The following DGKH variants were observed in gnomAD, a reference collection of about 807,000 sequenced individuals.
DGKH encodes diacylglycerol kinase eta.
DGKH carries 90 observed loss-of-function variants against 159.3 expected under a neutral mutation model. That is an observed-to-expected ratio of 0.57 (90% CI 0.48 to 0.67). The LOEUF (loss-of-function observed/expected upper bound fraction) is 0.67, where lower values mean the gene tolerates loss of function less well. Ranked by LOEUF, DGKH falls within the 30% of genes least tolerant of loss-of-function variation. DGKH has a pLI of 0.00. For synonymous variants in DGKH, 536 were observed against 553.8 expected (o/e 0.97, Z 0.45); for missense variants, 1,181 against 1,506.1 (o/e 0.78, Z 3.57).
At chr13:42,053,578 A>G (rs9594666) in intron 1 of DGKH, among the ~76,000 whole-genome samples, 10 of 83,674 alleles carry the variant, frequency 1.2e-4, no homozygotes, top group East Asian at 2.2e-4. Context: ...CTATATATGT[A>G]TATATATAAC....
intron 24 of DGKH, among the ~76,000 whole-genome samples, chr13:42,212,417 C>T (rs1226485826): frequency 6.6e-6 from 1 of 152,150 alleles, no homozygotes; most frequent in Non-Finnish European, 1.5e-5. Flanking sequence ...GGCTTCTTAT[C>T]CATAGGGTTG....
chr13:42,071,871 G>A, intron 1 of DGKH, among the ~76,000 whole-genome samples: 1 of 152,218 alleles, frequency 6.6e-6, no homozygotes, highest in South Asian at 2.1e-4. Context: ...CGACCCGTGA[G>A]AGAGGGCCAT....
intron 1 of DGKH, among the ~76,000 whole-genome samples, chr13:42,062,396 A>T (rs1009432442): frequency 2.6e-5 from 4 of 152,198 alleles, no homozygotes; most frequent in African/African-American, 7.2e-5. Context: ...GAGATTAGGA[A>T]GAAGGTTAGA....
At chr13:42,075,791 A>C (rs1467797348) in intron 1 of DGKH, among the ~76,000 whole-genome samples, 1 of 152,184 alleles carries the variant, frequency 6.6e-6, no homozygotes, top group Non-Finnish European at 1.5e-5. Flanking sequence ...TCCTATTTTC[A>C]GACTGCTATC....
At chr13:42,183,015 A>G (rs556758120) in intron 13 of DGKH, among the ~76,000 whole-genome samples, 5 of 152,234 alleles carry the variant, frequency 3.3e-5, no homozygotes, top group African/African-American at 1.2e-4. Flanking sequence ...TTGACCAGGC[A>G]TGGTGGTCCA....
intron 1 of DGKH, among the ~76,000 whole-genome samples, chr13:42,127,017 C>T (rs1465879423): frequency 6.6e-6 from 1 of 152,186 alleles, no homozygotes; most frequent in Non-Finnish European, 1.5e-5. Context: ...CCCCATTTTA[C>T]AGATGAATAA....
chr13:42,209,334 C>T lies in DGKH; in HGVS notation c.2719C>T (p.Arg907Cys), dbSNP rs1031520173. The part of the protein sequence containing the change: ...KLQHHRIAQC[R>C]TVKITIFGDE... ...AAAATGATTTGTTTTATTTCAGTGC[C>T]GTACAGTGAAAATCACTATATTTGG... The change falls in exon 23 of 30, where the codon CGT becomes TGT. Residue 907 changes from arginine (R) to cysteine (C), a missense_variant. Coordinates refer to ENST00000337343, the MANE Select transcript of DGKH (RefSeq NM_178009.5). 1 of 1,609,486 alleles carries T rather than the reference C, an allele frequency of 6.2e-7. No homozygotes were observed. Among genetic ancestry groups the T allele is most frequent in the Non-Finnish European group, 8.5e-7 (1 of 1,178,716 alleles).
At chr13:42,110,874 C>G (rs1255834377) in intron 1 of DGKH, among the ~76,000 whole-genome samples, 7 of 152,158 alleles carry the variant, frequency 4.6e-5, no homozygotes, top group Non-Finnish European at 1.0e-4. Context: ...AAGCCATATA[C>G]TTTTACCTAA....
intron 3 of DGKH, among the ~76,000 whole-genome samples, chr13:42,134,100 T>C (rs1050091628): frequency 6.6e-6 from 1 of 152,104 alleles, no homozygotes; most frequent in African/African-American, 2.4e-5. Context: ...ACATAAACGG[T>C]AAATGGAAAA....
intron 5 of DGKH, 22 bp from the exon 6 acceptor site, chr13:42,159,244 C>CTTTTTTTTTTTCTTTTTTTTTTT (rs1956116805): frequency 5.0e-6 from 1 of 200,416 alleles, no homozygotes; most frequent in Non-Finnish European, 8.6e-6. Flanking sequence ...AGCAGTTGCT[C>CTTTTTTTTTTTCTTTTTTTTTTT]TTTTTTTTTT....
At chr13:42,150,789 AC>A (rs1044785404) in intron 3 of DGKH, among the ~76,000 whole-genome samples, 19 of 152,160 alleles carry the variant, frequency 1.2e-4, no homozygotes, top group Admixed American at 1.1e-3. Context: ...TGAATAATGG[AC>A]CCCCAAAGAT....
Position 42,160,137 on chromosome 13 carries a change from G to A in DGKH, c.855+1G>A, listed in dbSNP as rs1956145347. ...GAAATGCCTTTGGTGTAAGACAATG[G>A]TGAGGGTTTTGGAATCAGTTCATCC... is the stretch of plus-strand genomic sequence containing the variant. On this transcript the variant is annotated splice_donor_variant, in intron 7 of 29. Coordinates refer to ENST00000337343, the MANE Select transcript of DGKH (RefSeq NM_178009.5). LOFTEE classifies it high-confidence loss of function. 6.2e-7 allele frequency: 1 copy of A among 1,614,234 alleles called. No individual in the cohort carries two copies. The highest frequency in any genetic ancestry group is 8.5e-7 in the Non-Finnish European group (1 of 1,180,044).
At chr13:42,219,568 A>G (rs1020346174) in intron 27 of DGKH, 118 bp from the exon 28 acceptor site, 6 of 1,208,162 alleles carry the variant, frequency 5.0e-6, no homozygotes, top group Non-Finnish European at 6.9e-6. Flanking sequence ...TGAAGAAGTT[A>G]TCACTGTTCT....
intron 3 of DGKH, among the ~76,000 whole-genome samples, chr13:42,136,750 C>T (rs1955409780): frequency 6.6e-6 from 1 of 152,138 alleles, no homozygotes; most frequent in African/African-American, 2.4e-5. Context: ...CCCACATGGG[C>T]TTACTCGGTT....
At chr13:42,049,974 C>T (rs1180371131) in intron 1 of DGKH, among the ~76,000 whole-genome samples, 1 of 152,064 alleles carries the variant, frequency 6.6e-6, no homozygotes, top group African/African-American at 2.4e-5. Flanking sequence ...CTTGGGGTAC[C>T]GTTTTTAAAA....
chr13:42,222,971 G>A (rs762457502), intron 29 of DGKH, among the ~76,000 whole-genome samples: 2 of 152,038 alleles, frequency 1.3e-5, no homozygotes, highest in Middle Eastern at 3.2e-3. Flanking sequence ...CTTAGAAAAC[G>A]TTCTTTTTGC....
intron 11 of DGKH, among the ~76,000 whole-genome samples, chr13:42,173,057 C>T (rs185545294): frequency 1.3e-5 from 2 of 152,044 alleles, no homozygotes; most frequent in African/African-American, 2.4e-5. Flanking sequence ...CTGCAACCTC[C>T]ACCTCCCAGG....
chr13:42,195,128 G>C (rs1314756989), intron 17 of DGKH, 112 bp downstream of exon 17: 2 of 1,337,932 alleles, frequency 1.5e-6, no homozygotes, highest in East Asian at 5.0e-5. Flanking sequence ...TTCTTTAGTA[G>C]AATGTTCTTG....
At chr13:42,245,473 G>A (rs762519645), downstream of DGKH, among the ~76,000 whole-genome samples, 6 of 152,158 alleles carry the variant, frequency 3.9e-5, no homozygotes, top group Non-Finnish European at 7.4e-5. Flanking sequence ...TTGATCATAT[G>A]TAAAGGCAAA....
Sources: gnomAD v4.1 joint callset for allele counts (sites outside exome capture counted in the v4.1 genomes callset) on GRCh38, gnomAD v4.1.1 for gene constraint, MANE v1.5 for transcripts, NCBI Gene and HGNC (gene_info 2026-07-23, HGNC 2026-07-21) for gene names.